Variants in PSME4 observed in about 807,000 individuals in gnomAD.
The protein encoded by PSME4 is proteasome activator subunit 4, also known as proteasome activator complex subunit 4.
PSME4 carries 89 observed loss-of-function variants against 253.9 expected under a neutral mutation model. That is an observed-to-expected ratio of 0.35 (90% confidence interval 0.30 to 0.42). The LOEUF is 0.42. Among genes scored for constraint, PSME4 ranks in the 10% least tolerant of loss-of-function variants. PSME4 has a pLI of 1.00. For missense variants in PSME4, 2,014 were observed against 2,195.2 expected (o/e 0.92, Z 1.65); for synonymous variants, 851 against 759.2 (o/e 1.12, Z -1.99).
At chr2:53,925,043 C>T (rs1467805733) in intron 14 of PSME4, among the ~76,000 whole-genome samples, 3 of 152,208 alleles carry the variant, frequency 2.0e-5, no homozygotes, top group Non-Finnish European at 4.4e-5. Flanking sequence ...TTACCTAGCA[C>T]AGTGTTTTTT....
intron 32 of PSME4, 69 bp downstream of exon 32, chr2:53,896,735 T>G (rs1007458380): frequency 1.7e-6 from 2 of 1,205,612 alleles, no homozygotes. Context: ...GAACTAGAAT[T>G]TATACATGTC....
At chr2:53,919,320 G>A in intron 19 of PSME4, 74 bp from the exon 20 acceptor site, 1 of 1,453,884 alleles carries the variant, frequency 6.9e-7, no homozygotes. Context: ...TAGCACAGAA[G>A]TTTTCTCACG....
intron 24 of PSME4, among the ~76,000 whole-genome samples, chr2:53,907,367 T>G (rs1680707981): frequency 6.6e-6 from 1 of 152,160 alleles, no homozygotes; most frequent in African/African-American, 2.4e-5. Context: ...GCTCAAAGAC[T>G]CTTCTTCTTT....
At chr2:53,875,823 T>C in intron 41 of PSME4, 68 bp from the exon 42 acceptor site, 3 of 1,416,454 alleles carry the variant, frequency 2.1e-6, no homozygotes, top group Non-Finnish European at 2.9e-6. Context: ...GCATCCTACA[T>C]GAGAGACAAC....
intron 1 of PSME4, among the ~76,000 whole-genome samples, chr2:53,960,014 T>C (rs1670409470): frequency 6.6e-6 from 1 of 152,226 alleles, no homozygotes. Context: ...TAAGTGGTCA[T>C]TGACTTTGAA....
intron 36 of PSME4, 60 bp downstream of exon 36, chr2:53,892,745 TGCC>T (rs1460414536): frequency 6.7e-7 from 1 of 1,492,406 alleles, no homozygotes; most frequent in African/African-American, 1.4e-5. Flanking sequence ...TGTTGGGAAT[TGCC>T]ACCAAAATGG....
At chr2:53,951,548 C>T (rs1669996327) in intron 1 of PSME4, among the ~76,000 whole-genome samples, 1 of 152,198 alleles carries the variant, frequency 6.6e-6, no homozygotes. Flanking sequence ...CACATTAGTA[C>T]TATGAGACCA....
intron 25 of PSME4, 55 bp downstream of exon 25, chr2:53,906,751 C>T: frequency 2.5e-6 from 4 of 1,600,654 alleles, no homozygotes; most frequent in East Asian, 2.2e-5. Context: ...AAACTAAATA[C>T]TCATCTGGAA....
chr2:53,939,202 T>A (rs1258285215), intron 4 of PSME4, among the ~76,000 whole-genome samples: 3 of 152,188 alleles, frequency 2.0e-5, no homozygotes, highest in African/African-American at 7.2e-5. Context: ...CAGCAATAAA[T>A]ATCCGATTTA....
intron 1 of PSME4, among the ~76,000 whole-genome samples, chr2:53,963,190 G>A (rs183775043): frequency 1.1e-3 from 164 of 152,146 alleles, no homozygotes; most frequent in African/African-American, 3.8e-3. Context: ...GCTTGGCGTG[G>A]TGGTATATGT....
intron 39 of PSME4, 83 bp downstream of exon 39, chr2:53,887,775 C>G: frequency 7.1e-7 from 1 of 1,414,072 alleles, no homozygotes; most frequent in Non-Finnish European, 9.6e-7. Context: ...ACAACATAAC[C>G]AGCATGTATT....
At position 53,953,056 on chromosome 2, in the gene PSME4, C is replaced by T. The variant is rs561838798; in HGVS notation, c.243-3773G>A. ...ACCAACAGGGGGATTCCTGGAAAGC[C>T]TAGGGCTGCTGACAAATCTAAAGAT... On this transcript the variant is annotated intron_variant, in intron 1 of 46. Coordinates refer to ENST00000404125, the MANE Select transcript of PSME4 (RefSeq NM_014614.3). Among the ~76,000 whole-genome samples, 27 of 152,256 alleles carry T rather than the reference C, an allele frequency of 1.8e-4. No individual in the cohort carries two copies. The South Asian group carries it at 3.3e-3, about 19-fold the overall frequency.
chr2:53,932,457 T>C (rs891539564), intron 9 of PSME4, among the ~76,000 whole-genome samples: 5 of 152,210 alleles, frequency 3.3e-5, no homozygotes, highest in African/African-American at 9.6e-5. Context: ...TTTGCAAAAA[T>C]GAGCCATGTT....
chr2:53,925,283 T>G (rs552302198), intron 14 of PSME4, among the ~76,000 whole-genome samples: 5 of 152,356 alleles, frequency 3.3e-5, no homozygotes, highest in African/African-American at 1.2e-4. Flanking sequence ...ACATGGCATA[T>G]GTGAGATCAA....
At chr2:53,934,321 G>A (rs1669003221) in intron 8 of PSME4, among the ~76,000 whole-genome samples, 1 of 152,112 alleles carries the variant, frequency 6.6e-6, no homozygotes, top group Admixed American at 6.5e-5. Context: ...AAGTCTTCCG[G>A]GCTACAAGTC....
At chr2:53,895,527 G>A (rs1317856810) in intron 33 of PSME4, 56 bp downstream of exon 33, 20 of 1,518,464 alleles carry the variant, frequency 1.3e-5, no homozygotes, top group Non-Finnish European at 1.6e-5. Flanking sequence ...ACCAAAATAT[G>A]ATAAAGCAGT....
Position 53,899,964 on chromosome 2 carries a change from G to A in PSME4, c.3339C>T (p.Pro1113=). The A allele has an allele frequency of 6.2e-7, 1 of 1,613,522 alleles. No homozygotes were observed. Among genetic ancestry groups the A allele is most frequent in the Non-Finnish European group, 8.5e-7 (1 of 1,179,514 alleles). The change falls in exon 29 of 47, where the codon CCC becomes CCT. Residue 1113 remains proline (P), a synonymous_variant. Coordinates refer to ENST00000404125, the MANE Select transcript of PSME4 (RefSeq NM_014614.3). ...GGCTAAGCAATATCTGGTTGATAGA[G>A]GGGTTTTTTGACTGTTGAAGTAATT... is the stretch of plus-strand genomic sequence containing the variant. ...IAELLQQSKN[P]SINQILLSPE...
At chr2:53,958,497 T>C (rs1427319983) in intron 1 of PSME4, among the ~76,000 whole-genome samples, 1 of 152,184 alleles carries the variant, frequency 6.6e-6, no homozygotes, top group African/African-American at 2.4e-5. Context: ...AATGGGATTA[T>C]AACCAAGAGA....
chr2:53,967,928 C>T (rs1421210649), intron 1 of PSME4, among the ~76,000 whole-genome samples: 2 of 151,968 alleles, frequency 1.3e-5, no homozygotes, highest in African/African-American at 4.8e-5. Context: ...TGAAGCTTGA[C>T]AGGATTAAAA....
Sources: allele counts gnomAD v4.1 joint callset (sites outside exome capture counted in the v4.1 genomes callset), GRCh38; gene constraint gnomAD v4.1.1; transcripts MANE v1.5; gene names NCBI Gene and HGNC (gene_info 2026-07-23, HGNC 2026-07-21).